The following SMYD3 variants were observed in gnomAD, a reference collection of about 807,000 sequenced individuals.
SMYD3 encodes histone-lysine N-methyltransferase SMYD3.
Under a neutral mutation model 57.7 loss-of-function variants are expected in SMYD3, and 36 were observed. That is an observed-to-expected ratio of 0.62 (90% CI 0.48 to 0.82). The LOEUF is 0.82. SMYD3 is among the 40% of genes least tolerant of loss of function. SMYD3 has a pLI of 0.00. For missense variants in SMYD3, 515 were observed against 538.8 expected (o/e 0.96, Z 0.44); for synonymous variants, 211 against 195.0 (o/e 1.08, Z -0.68).
chr1:246,172,983 C>T (rs1423395982), intron 5 of SMYD3, among the ~76,000 whole-genome samples: 1 of 151,210 alleles, frequency 6.6e-6, no homozygotes, highest in African/African-American at 2.4e-5. Flanking sequence ...TTTATCAACA[C>T]TGTACGCTTA....
intron 5 of SMYD3, among the ~76,000 whole-genome samples, chr1:246,106,249 T>A (rs1347481115): frequency 2.6e-5 from 4 of 152,128 alleles, no homozygotes; most frequent in Non-Finnish European, 4.4e-5. Flanking sequence ...AACAGGAGAA[T>A]CCTCCTCAAA....
At chr1:246,098,620 A>G (rs1041881677) in intron 5 of SMYD3, among the ~76,000 whole-genome samples, 14 of 152,202 alleles carry the variant, frequency 9.2e-5, no homozygotes, top group African/African-American at 3.4e-4. Context: ...AGGCTGAGTG[A>G]CACACTTTAT....
chr1:246,387,508 G>C (rs974007431), intron 1 of SMYD3, among the ~76,000 whole-genome samples: 1 of 152,132 alleles, frequency 6.6e-6, no homozygotes, highest in South Asian at 2.1e-4. Flanking sequence ...ATTGTGTTTA[G>C]AAAGAAATGT....
intron 1 of SMYD3, among the ~76,000 whole-genome samples, chr1:246,367,474 A>T (rs1290489012): frequency 6.6e-6 from 1 of 152,240 alleles, no homozygotes; most frequent in Non-Finnish European, 1.5e-5. Flanking sequence ...TTGTCTAAAA[A>T]GTCGATCCAG....
At chr1:245,786,409 G>A (rs149143312) in intron 10 of SMYD3, among the ~76,000 whole-genome samples, 1 of 152,102 alleles carries the variant, frequency 6.6e-6, no homozygotes, top group South Asian at 2.1e-4. Flanking sequence ...TGTTGCTAAC[G>A]CAATGTAGAA....
At chr1:246,374,126 G>A (rs1005604221) in intron 1 of SMYD3, among the ~76,000 whole-genome samples, 12 of 152,068 alleles carry the variant, frequency 7.9e-5, no homozygotes, top group South Asian at 4.1e-4. Flanking sequence ...TGCCAGAGCC[G>A]GGGAATAAAT....
rs548621233 is a variant in SMYD3 at position 246,174,740 on chromosome 1, T to C, written c.531+152461A>G. On this transcript the variant is annotated intron_variant, in intron 5 of 11. Transcript: ENST00000490107. ...GGAATTACAGGTACACACCGCTGCA[T>C]GACTACATTTGTTTCTTAACAGTGG... is the stretch of plus-strand genomic sequence containing the variant. Among the ~76,000 whole-genome samples, 337 of 152,308 alleles carry C rather than the reference T, an allele frequency of 2.2e-3. 1 individual carries two copies. Among genetic ancestry groups the C allele is most frequent in the Non-Finnish European group, 4.1e-3 (280 of 68,026 alleles).
chr1:246,449,481 G>A (rs949289521), intron 1 of SMYD3, among the ~76,000 whole-genome samples: 3 of 152,176 alleles, frequency 2.0e-5, no homozygotes, highest in Non-Finnish European at 2.9e-5. Context: ...TATGGGGCAG[G>A]AGGGACCTGC....
In SMYD3 at chr1:246,023,808, T is replaced by TGTGTGTGTGTGTGTGTGTGC. The variant is rs2059520464; in HGVS notation, c.532-93872_532-93871insGCACACACACACACACACAC. Reference sequence around the variant, plus strand: ...CCACTTCACAGGACTATTACAAAACTGTGTGTGTGTGTGTGTGTGTGTGTG... The same window carrying TGTGTGTGTGTGTGTGTGTGC: ...CCACTTCACAGGACTATTACAAAACTGTGTGTGTGTGTGTGTGTGCGTGTGTGTGTGTGTGTGTGTGTGTG... On this transcript the variant is annotated intron_variant, in intron 5 of 11. Transcript: ENST00000490107. Among the ~76,000 whole-genome samples the TGTGTGTGTGTGTGTGTGTGC allele has an allele frequency of 1.4e-4, 3 of 20,762 alleles. No homozygotes were observed. In the South Asian group the frequency reaches 8.8e-3, roughly 61 times the overall value. The allele number at this position is 20,762 out of a possible 152,430, so 13.6% of individuals were successfully genotyped here.
At chr1:246,129,961 T>C (rs1018542460) in intron 5 of SMYD3, among the ~76,000 whole-genome samples, 1 of 152,150 alleles carries the variant, frequency 6.6e-6, no homozygotes, top group East Asian at 1.9e-4. Flanking sequence ...AAGTCAAATA[T>C]ATAACTGTAG....
At chr1:246,204,667 T>C (rs1274685086) in intron 5 of SMYD3, among the ~76,000 whole-genome samples, 1 of 152,210 alleles carries the variant, frequency 6.6e-6, no homozygotes, top group Non-Finnish European at 1.5e-5. Context: ...ATCCCCACTT[T>C]TCCTTCAAAT....
At chr1:246,019,972 A>C (rs560139925) in intron 5 of SMYD3, among the ~76,000 whole-genome samples, 5 of 152,330 alleles carry the variant, frequency 3.3e-5, no homozygotes, top group African/African-American at 9.6e-5. Context: ...CACAAACACA[A>C]TATATATCTT....
intron 5 of SMYD3, among the ~76,000 whole-genome samples, chr1:246,058,093 T>TGA (rs1306300247): frequency 8.9e-6 from 1 of 111,902 alleles, no homozygotes; most frequent in Non-Finnish European, 2.0e-5. Flanking sequence ...GGATGAGAGT[T>TGA]GAGAGAGAGA....
intron 7 of SMYD3, among the ~76,000 whole-genome samples, chr1:245,917,182 C>G (rs1057505339): frequency 2.0e-5 from 3 of 152,140 alleles, no homozygotes; most frequent in Non-Finnish European, 4.4e-5. Flanking sequence ...CAGGCATGTA[C>G]CACCACACTG....
rs2067915296 is a variant in SMYD3 at position 246,468,666 on chromosome 1, CAATAAT to C, written c.164+38382_164+38387del. ...CAAAAAAAGGAAAAAAAATTAATAA[CAATAAT>C]AATAACAAATAAAAATTAACAGGGC... On this transcript the variant is annotated intron_variant, in intron 1 of 11. Transcript: ENST00000490107. Among the ~76,000 whole-genome samples, 6 of 151,842 alleles carry C rather than the reference CAATAAT, an allele frequency of 4.0e-5. No homozygotes were observed. The South Asian group carries it at 1.0e-3, about 26-fold the overall frequency.
intron 1 of SMYD3, among the ~76,000 whole-genome samples, chr1:246,418,391 C>T (rs1981233): frequency 6.6e-6 from 1 of 152,098 alleles, no homozygotes; most frequent in African/African-American, 2.4e-5. Context: ...CAGATGGGCA[C>T]GTTGTGGGGC....
chr1:245,864,096 A>G (rs1451345832), intron 8 of SMYD3, among the ~76,000 whole-genome samples: 1 of 152,234 alleles, frequency 6.6e-6, no homozygotes, highest in Admixed American at 6.5e-5. Flanking sequence ...ACAGGATAAC[A>G]GCAAAGGTTA....
At chr1:246,362,242 T>C (rs1439657134) in intron 1 of SMYD3, among the ~76,000 whole-genome samples, 1 of 152,188 alleles carries the variant, frequency 6.6e-6, no homozygotes, top group African/African-American at 2.4e-5. Flanking sequence ...TTGTCTTAAA[T>C]TATCATATAG....
rs539592481 is a variant in SMYD3, at chr1:245,751,342, C to T, written c.1186-1678G>A. On this transcript the variant is annotated intron_variant, in intron 11 of 11. Transcript: ENST00000490107. The stretch of plus-strand genomic sequence containing the variant: ...GGTGAGACGCCTGCATTTTGCAATT[C>T]TGCATGCAGGAAAACTTTCCATTCT... 5.2e-4 allele frequency among the ~76,000 whole-genome samples: 79 copies of T among 152,296 alleles called. No individual in the cohort carries two copies. The South Asian group carries it at 0.016, about 31-fold the overall frequency.
Sources: allele counts gnomAD v4.1 joint callset (sites outside exome capture counted in the v4.1 genomes callset), GRCh38; gene constraint gnomAD v4.1.1; transcripts MANE v1.5; gene names NCBI Gene and HGNC (gene_info 2026-07-23, HGNC 2026-07-21).